Variants in MGAT4C observed in about 807,000 individuals in gnomAD.
MGAT4C encodes the protein alpha-1,3-mannosyl-glycoprotein 4-beta-N-acetylglucosaminyltransferase C.
Under a neutral mutation model 40.1 loss-of-function variants are expected in MGAT4C, and 19 were observed. The ratio of observed to expected loss-of-function variants is 0.47; its 90% CI spans 0.33 to 0.70. MGAT4C has a LOEUF of 0.70. MGAT4C is among the 30% of genes least tolerant of loss of function. MGAT4C has a pLI of 0.02. For synonymous variants in MGAT4C, 181 were observed against 187.1 expected (o/e 0.97, Z 0.27); for missense variants, 491 against 563.2 (o/e 0.87, Z 1.30).
intron 2 of MGAT4C, among the ~76,000 whole-genome samples, chr12:86,642,512 T>C (rs1963421159): frequency 1.3e-5 from 2 of 151,776 alleles, no homozygotes. Flanking sequence ...TGTTGCTAAG[T>C]AAAGGGCTTC....
At chr12:86,781,317 A>G (rs1392859597) in intron 1 of MGAT4C, among the ~76,000 whole-genome samples, 1 of 151,580 alleles carries the variant, frequency 6.6e-6, no homozygotes, top group Non-Finnish European at 1.5e-5. Flanking sequence ...CCTCATCAAC[A>G]ACTTTTTTTT....
intron 2 of MGAT4C, among the ~76,000 whole-genome samples, chr12:86,714,429 C>T (rs957529369): frequency 6.6e-6 from 1 of 151,968 alleles, no homozygotes; most frequent in African/African-American, 2.4e-5. Context: ...AATTGTAGCT[C>T]CTGTAATTCC....
intron 1 of MGAT4C, among the ~76,000 whole-genome samples, chr12:86,192,707 G>A (rs1566121078): frequency 6.6e-6 from 1 of 152,154 alleles, no homozygotes; most frequent in South Asian, 2.1e-4. Flanking sequence ...TTTTGTTGTT[G>A]TTGATATTGA....
intron 4 of MGAT4C, among the ~76,000 whole-genome samples, chr12:86,316,957 T>C (rs1018882744): frequency 6.6e-6 from 1 of 151,732 alleles, no homozygotes; most frequent in Non-Finnish European, 1.5e-5. Context: ...ATTTAAAAAT[T>C]AGTGCAATGT....
intron 2 of MGAT4C, among the ~76,000 whole-genome samples, chr12:86,030,848 C>T (rs1013344258): frequency 1.3e-5 from 2 of 151,510 alleles, no homozygotes; most frequent in African/African-American, 2.4e-5. Context: ...TCCAAGTGAC[C>T]GATTTAATTT....
At chr12:86,783,159 A>C (rs1404044890) in intron 1 of MGAT4C, among the ~76,000 whole-genome samples, 1 of 152,188 alleles carries the variant, frequency 6.6e-6, no homozygotes, top group Admixed American at 6.5e-5. Flanking sequence ...TTTTTCCACA[A>C]AACTGAGAAC....
intron 2 of MGAT4C, among the ~76,000 whole-genome samples, chr12:86,036,945 C>T (rs1323554566): frequency 6.7e-6 from 1 of 148,894 alleles, no homozygotes; most frequent in East Asian, 1.9e-4. Context: ...GGTTGGTAGG[C>T]TATTACTGCC....
At chr12:86,569,689 A>C (rs1200780063) in intron 2 of MGAT4C, among the ~76,000 whole-genome samples, 1 of 152,116 alleles carries the variant, frequency 6.6e-6, no homozygotes, top group Non-Finnish European at 1.5e-5. Flanking sequence ...ACTTCTGGGT[A>C]TTTATCCAAA....
chr12:86,060,082 A>T (rs1023971574), intron 1 of MGAT4C, among the ~76,000 whole-genome samples: 1 of 152,188 alleles, frequency 6.6e-6, no homozygotes, highest in Non-Finnish European at 1.5e-5. Context: ...ATAATATGAA[A>T]TGAGGACTAG....
chr12:86,467,953 C>T (rs1957705354), intron 2 of MGAT4C, among the ~76,000 whole-genome samples: 1 of 152,050 alleles, frequency 6.6e-6, no homozygotes, highest in African/African-American at 2.4e-5. Flanking sequence ...TAGCTGCTAT[C>T]TTTTTCCACA....
At chr12:86,222,411 AC>A (rs1299834573) in intron 1 of MGAT4C, among the ~76,000 whole-genome samples, 1 of 152,228 alleles carries the variant, frequency 6.6e-6, no homozygotes, top group Non-Finnish European at 1.5e-5. Context: ...ATCAAAAGTG[AC>A]AGATTTTTTC....
chr12:86,046,194 T>A (rs1275764639), intron 2 of MGAT4C, among the ~76,000 whole-genome samples: 6 of 152,222 alleles, frequency 3.9e-5, no homozygotes, highest in Non-Finnish European at 8.8e-5. Flanking sequence ...ATGTTGTGTA[T>A]GTACCCCATT....
At chr12:86,636,191 C>T (rs1403542154) in intron 2 of MGAT4C, among the ~76,000 whole-genome samples, 1 of 151,950 alleles carries the variant, frequency 6.6e-6, no homozygotes, top group Non-Finnish European at 1.5e-5. Context: ...GAGGACATTG[C>T]CTAAGGACAA....
At position 86,474,844 on chromosome 12, in the gene MGAT4C, G is replaced by A. The variant is rs908980719; in HGVS notation, c.-228-39579C>T. ...ATGTGGACACCTTTTAAATGCATTA[G>A]TTTCTTCCTGCATTGTACAAAGCAA... On this transcript the variant is annotated intron_variant, in intron 2 of 7. Transcript: ENST00000548651. 2.0e-5 allele frequency among the ~76,000 whole-genome samples: 3 copies of A among 151,638 alleles called. No homozygotes were observed. In the South Asian group the frequency reaches 6.2e-4, roughly 31 times the overall value.
intron 3 of MGAT4C, among the ~76,000 whole-genome samples, chr12:86,371,757 C>T (rs1298403408): frequency 6.6e-6 from 1 of 151,822 alleles, no homozygotes; most frequent in African/African-American, 2.4e-5. Context: ...TCTTTGATTC[C>T]TCAATACTTG....
At chr12:86,288,120 A>G (rs924458302) in intron 4 of MGAT4C, among the ~76,000 whole-genome samples, 2 of 151,992 alleles carry the variant, frequency 1.3e-5, no homozygotes, top group Non-Finnish European at 2.9e-5. Context: ...GCTTTTTTTC[A>G]TATGCTTTTT....
intron 2 of MGAT4C, among the ~76,000 whole-genome samples, chr12:86,531,152 A>G (rs1448162986): frequency 2.0e-5 from 3 of 152,110 alleles, no homozygotes; most frequent in African/African-American, 7.2e-5. Context: ...AGCTTATGCA[A>G]CATTCATTTT....
At chr12:86,400,705 A>G (rs1197617475) in intron 3 of MGAT4C, among the ~76,000 whole-genome samples, 1 of 152,208 alleles carries the variant, frequency 6.6e-6, no homozygotes, top group Non-Finnish European at 1.5e-5. Context: ...GAATATTTCA[A>G]TTAATATGAA....
intron 1 of MGAT4C, among the ~76,000 whole-genome samples, chr12:86,834,144 T>C (rs1952987695): frequency 1.3e-5 from 2 of 151,018 alleles, no homozygotes; most frequent in South Asian, 4.2e-4. Context: ...GTCTATATAC[T>C]TACAGATCTA....
Sources: gnomAD v4.1 joint callset for allele counts (sites outside exome capture counted in the v4.1 genomes callset) on GRCh38, gnomAD v4.1.1 for gene constraint, MANE v1.5 for transcripts, NCBI Gene and HGNC (gene_info 2026-07-23, HGNC 2026-07-21) for gene names.